Variants in CLMN observed in about 807,000 individuals in gnomAD.
CLMN encodes calmin.
CLMN carries 57 observed loss-of-function variants against 92.7 expected under a neutral mutation model. The ratio of observed to expected loss-of-function variants is 0.61; its 90% CI spans 0.50 to 0.77. The LOEUF is 0.77. Among genes scored for constraint, CLMN ranks in the 30% least tolerant of loss-of-function variants. CLMN has a pLI of 0.00. For synonymous variants in CLMN, 466 were observed against 470.6 expected, an observed-to-expected ratio of 0.99 and a Z score of 0.13; for missense variants, 1,158 against 1,237.5, an observed-to-expected ratio of 0.94 and a Z score of 0.96.
rs927542848 is a variant in CLMN at position 95,272,817 on chromosome 14, G to A, written c.83-42684C>T. Among the ~76,000 whole-genome samples the A allele has an allele frequency of 2.0e-5, 3 of 152,156 alleles. No individual in the cohort carries two copies. The East Asian group carries it at 5.8e-4, about 29-fold the overall frequency. On this transcript the variant is annotated intron_variant, in intron 1 of 12. Transcript: ENST00000298912. ...TAAGTTGTTTCTATGCGCTCCCAAG[G>A]GAAAACGTTGGGGCCAAGATATTGA...
chr14:95,209,321 G>T (rs545636473), intron 8 of CLMN, 74 bp downstream of exon 8: 1 of 1,393,032 alleles, frequency 7.2e-7, no homozygotes, highest in Non-Finnish European at 1.0e-6. Flanking sequence ...CGCTGCCCAC[G>T]TCCCTGCTTC....
chr14:95,235,923 G>C (rs1008126563), intron 1 of CLMN, among the ~76,000 whole-genome samples: 6 of 152,308 alleles, frequency 3.9e-5, no homozygotes, highest in East Asian at 3.9e-4. Flanking sequence ...CCTGCCACCA[G>C]GATGGGTGAG....
chr14:95,294,670 C>T lies in CLMN; in HGVS notation c.82+25041G>A, dbSNP rs540596944. 8.1e-4 allele frequency among the ~76,000 whole-genome samples: 123 copies of T among 152,306 alleles called. No homozygotes were observed. Among genetic ancestry groups the T allele is most frequent in the African/African-American group, 2.9e-3 (122 of 41,566 alleles). The stretch of plus-strand genomic sequence containing the variant: ...CCTGTGCTAGTCTCCTTTGCACACC[C>T]CTCCTCCTACTTCATCTTCCTTTCT... On this transcript the variant is annotated intron_variant, in intron 1 of 12. Coordinates refer to ENST00000298912, the MANE Select transcript of CLMN (RefSeq NM_024734.4). This position sits in a 1 kb window ranked among gnomAD's most constrained non-coding sequence, Gnocchi z 4.2.
intron 1 of CLMN, among the ~76,000 whole-genome samples, chr14:95,290,241 C>G (rs979362516): frequency 6.6e-6 from 1 of 152,210 alleles, no homozygotes; most frequent in African/African-American, 2.4e-5. Flanking sequence ...ACTCTTCTTT[C>G]TTGGGTGGTG....
At chr14:95,271,536 T>C (rs1318040454) in intron 1 of CLMN, among the ~76,000 whole-genome samples, 3 of 152,202 alleles carry the variant, frequency 2.0e-5, no homozygotes, top group Non-Finnish European at 4.4e-5. Flanking sequence ...CAGAATGAAA[T>C]ACTATGCAGT....
chr14:95,274,973 T>A (rs1210393434), intron 1 of CLMN, among the ~76,000 whole-genome samples: 1 of 137,750 alleles, frequency 7.3e-6, no homozygotes, highest in Non-Finnish European at 1.5e-5. Context: ...GGCAACACTC[T>A]GTCTCAAAAA....
Position 95,252,596 on chromosome 14 carries a change from G to A in CLMN, c.83-22463C>T, listed in dbSNP as rs149520681. ...TACGAAGGACCTTAGTGTGGGAATGGCTACACCCAACAGGCTTAGGGTGGG... is the reference window on the plus strand; with the variant it reads ...TACGAAGGACCTTAGTGTGGGAATGACTACACCCAACAGGCTTAGGGTGGG... On this transcript the variant is annotated intron_variant, in intron 1 of 12. Coordinates refer to ENST00000298912, the MANE Select transcript of CLMN (RefSeq NM_024734.4). Among the ~76,000 whole-genome samples the A allele has an allele frequency of 4.0e-3, 612 of 152,278 alleles. 4 individuals are homozygous for A. Among genetic ancestry groups the A allele is most frequent in the African/African-American group, 0.014 (575 of 41,560 alleles).
At chr14:95,210,922 A>C in intron 6 of CLMN, 43 bp from the exon 7 acceptor site, 1 of 1,481,892 alleles carries the variant, frequency 6.7e-7, no homozygotes, top group Non-Finnish European at 8.9e-7. Context: ...CTGGTTAGTA[A>C]ACAGACTCAA....
intron 1 of CLMN, among the ~76,000 whole-genome samples, chr14:95,260,208 G>A (rs1289164422): frequency 1.3e-5 from 2 of 152,152 alleles, no homozygotes; most frequent in African/African-American, 2.4e-5. Context: ...TTGGGAGGCC[G>A]AGGCAGGCAG....
At chr14:95,277,256 G>A (rs1199686890) in intron 1 of CLMN, among the ~76,000 whole-genome samples, 1 of 152,224 alleles carries the variant, frequency 6.6e-6, no homozygotes, top group Admixed American at 6.5e-5. Context: ...TAAAAGGTGT[G>A]TCATAGATAT....
At chr14:95,275,531 A>C (rs1899892003) in intron 1 of CLMN, among the ~76,000 whole-genome samples, 1 of 152,190 alleles carries the variant, frequency 6.6e-6, no homozygotes, top group African/African-American at 2.4e-5. Flanking sequence ...TCAGTTCCAG[A>C]AACTGCCCAC....
At position 95,193,911 on chromosome 14, in the gene CLMN, A is replaced by G. The variant is rs1896623825; in HGVS notation, c.2778T>C (p.Phe926=). The change falls in exon 12 of 13, where the codon TTT becomes TTC. Residue 926 remains phenylalanine, a synonymous_variant. Coordinates refer to ENST00000298912, the MANE Select transcript of CLMN (RefSeq NM_024734.4). The part of the protein sequence containing the change: ...HTHRSSESDH[F]SYVQLRNAAD... ...CTGCGTTCCTCAACTGAACATAGCT[A>G]AAATGATCCTACAGTGAAATTTATA... 6.2e-7 allele frequency: 1 copy of G among 1,613,928 alleles called. No individual in the cohort carries two copies. The highest frequency in any genetic ancestry group is 8.5e-7 in the Non-Finnish European group (1 of 1,179,978).
intron 3 of CLMN, 59 bp from the exon 4 acceptor site, chr14:95,221,833 C>T (rs2140618269): frequency 1.3e-6 from 2 of 1,488,140 alleles, no homozygotes; most frequent in Non-Finnish European, 1.9e-6. Flanking sequence ...CTTCCCAACA[C>T]CCAGCGGTGC....
intron 1 of CLMN, among the ~76,000 whole-genome samples, chr14:95,292,828 C>T (rs1371962145): frequency 6.6e-6 from 1 of 152,136 alleles, no homozygotes; most frequent in Non-Finnish European, 1.5e-5. Context: ...TCCAAAAGCG[C>T]AGGCCTGTGA....
At chr14:95,242,164 A>T (rs1898267574) in intron 1 of CLMN, among the ~76,000 whole-genome samples, 1 of 150,340 alleles carries the variant, frequency 6.7e-6, no homozygotes. Context: ...AAAAAAAAAA[A>T]TTGAGGTGCC....
At chr14:95,192,381 A>C (rs188031403) in intron 12 of CLMN, 2 of 152,154 alleles carry the variant, frequency 1.3e-5, no homozygotes, top group African/African-American at 4.8e-5. Flanking sequence ...TTAAAATGTC[A>C]TTTCAGTTTT....
rs183767276 is a variant in CLMN at position 95,293,868 on chromosome 14, G to A, written c.82+25843C>T. ...GAAACCAAGTCTGGTGTTGTTCTACGTGGTACGGAATGAGGCAACATGAAG... is the reference window on the plus strand; with the variant it reads ...GAAACCAAGTCTGGTGTTGTTCTACATGGTACGGAATGAGGCAACATGAAG... On this transcript the variant is annotated intron_variant, in intron 1 of 12. Coordinates refer to ENST00000298912, the MANE Select transcript of CLMN (RefSeq NM_024734.4). Among the ~76,000 whole-genome samples the A allele has an allele frequency of 1.4e-3, 208 of 152,258 alleles. 1 individual carries two copies. The highest frequency in any genetic ancestry group is 4.7e-3 in the African/African-American group (195 of 41,534).
At position 95,196,599 on chromosome 14, in the gene CLMN, T is replaced by C; in HGVS notation, c.2607A>G (p.Lys869=). Residue 869 remains lysine, a synonymous_variant, in exon 10 of 13, where the codon AAA becomes AAG. Coordinates refer to ENST00000298912, the MANE Select transcript of CLMN (RefSeq NM_024734.4). ...SISSKKKEKR[K]HVDHVESSLF... ...GTGAACTTTCTACGTGGTCCACATG[T>C]TTCCTTTTTTCCTTTTTTTTACTAC... 6.2e-7 allele frequency: 1 copy of C among 1,614,208 alleles called. No individual in the cohort carries two copies. Among genetic ancestry groups the C allele is most frequent in the Non-Finnish European group, 8.5e-7 (1 of 1,180,030 alleles).
intron 4 of CLMN, among the ~76,000 whole-genome samples, chr14:95,216,033 A>C (rs1380300935): frequency 6.6e-6 from 1 of 152,240 alleles, no homozygotes; most frequent in African/African-American, 2.4e-5. Flanking sequence ...TAGGTGTATT[A>C]GTCCGTTCTC....
Sources: allele counts gnomAD v4.1 joint callset (sites outside exome capture counted in the v4.1 genomes callset), GRCh38; gene constraint gnomAD v4.1.1; non-coding constraint Gnocchi (gnomAD v3.1); transcripts MANE v1.5; gene names NCBI Gene and HGNC (gene_info 2026-07-23, HGNC 2026-07-21).